The following GALNTL6 variants were observed in gnomAD, a reference collection of about 807,000 sequenced individuals.
The protein encoded by GALNTL6 is polypeptide N-acetylgalactosaminyltransferase-like 6.
GALNTL6 carries 46 observed loss-of-function variants against 73.7 expected under a neutral mutation model. The observed-to-expected ratio is 0.62, with a 90% confidence interval of 0.49 to 0.80. The LOEUF (loss-of-function observed/expected upper bound fraction) is 0.80. GALNTL6 is among the 30% of genes least tolerant of loss of function. GALNTL6 has a pLI of 0.00. For synonymous variants in GALNTL6, 259 were observed against 263.7 expected (o/e 0.98, Z 0.17); for missense variants, 604 against 755.0 (o/e 0.80, Z 2.34).
intron 4 of GALNTL6, among the ~76,000 whole-genome samples, chr4:172,341,164 T>C (rs1230822188): frequency 6.6e-6 from 1 of 152,142 alleles, no homozygotes; most frequent in Admixed American, 6.5e-5. Context: ...TTGAAAATAA[T>C]TGTTTCATAT....
intron 5 of GALNTL6, among the ~76,000 whole-genome samples, chr4:172,522,632 C>T (rs1400077350): frequency 1.3e-5 from 2 of 148,156 alleles, no homozygotes; most frequent in Non-Finnish European, 3.0e-5. Context: ...ATTGCACCAT[C>T]GGACTCCAGC....
At chr4:172,819,458 AT>A (rs896652761) in intron 7 of GALNTL6, among the ~76,000 whole-genome samples, 2 of 152,198 alleles carry the variant, frequency 1.3e-5, no homozygotes, top group Non-Finnish European at 2.9e-5. Context: ...AATTCAACTT[AT>A]TTTTACAAAA....
chr4:171,865,910 C>T (rs1056649865), intron 2 of GALNTL6, among the ~76,000 whole-genome samples: 2 of 152,166 alleles, frequency 1.3e-5, no homozygotes, highest in South Asian at 2.1e-4. Flanking sequence ...CAAACTTTTA[C>T]GTAACAAATA....
intron 5 of GALNTL6, among the ~76,000 whole-genome samples, chr4:172,516,871 C>T (rs564426356): frequency 2.0e-5 from 3 of 152,200 alleles, no homozygotes; most frequent in African/African-American, 7.2e-5. Flanking sequence ...GAAATTCTGT[C>T]GTCTACTACA....
chr4:172,500,582 A>T (rs1314378255), intron 5 of GALNTL6, among the ~76,000 whole-genome samples: 2 of 152,208 alleles, frequency 1.3e-5, no homozygotes, highest in South Asian at 2.1e-4. Flanking sequence ...TAATTTTTTT[A>T]AAATCTACCA....
intron 8 of GALNTL6, among the ~76,000 whole-genome samples, chr4:172,918,259 G>A (rs1486811818): frequency 6.6e-6 from 1 of 151,978 alleles, no homozygotes; most frequent in Non-Finnish European, 1.5e-5. Flanking sequence ...GGAGGCAAGG[G>A]ATAGCATTAG....
chr4:172,191,521 T>G (rs889118409), intron 2 of GALNTL6, among the ~76,000 whole-genome samples: 1 of 152,148 alleles, frequency 6.6e-6, no homozygotes, highest in African/African-American at 2.4e-5. Context: ...AGGATCCTCA[T>G]GACCTCTTCT....
At chr4:172,421,553 T>G (rs1731053492) in intron 5 of GALNTL6, among the ~76,000 whole-genome samples, 1 of 151,842 alleles carries the variant, frequency 6.6e-6, no homozygotes, top group African/African-American at 2.4e-5. Flanking sequence ...TTTATAGATA[T>G]AAATATATAG....
At chr4:172,687,448 T>C (rs1732986409) in intron 5 of GALNTL6, among the ~76,000 whole-genome samples, 1 of 151,682 alleles carries the variant, frequency 6.6e-6, no homozygotes, top group Non-Finnish European at 1.5e-5. Flanking sequence ...ACCAACACAG[T>C]GAAACCCCGT....
intron 5 of GALNTL6, chr4:172,545,834 G>T (rs1304190236): frequency 6.6e-6 from 1 of 152,146 alleles, no homozygotes; most frequent in Non-Finnish European, 1.5e-5. Context: ...GGAGATGCCT[G>T]TGGCCTATAT....
At chr4:172,700,191 A>T (rs1733946086) in intron 5 of GALNTL6, among the ~76,000 whole-genome samples, 2 of 152,174 alleles carry the variant, frequency 1.3e-5, no homozygotes, top group South Asian at 4.1e-4. Context: ...AAAAGGGGTA[A>T]CCAAACAGAG....
chr4:172,570,199 C>A (rs184071790), intron 5 of GALNTL6, among the ~76,000 whole-genome samples: 135 of 152,208 alleles, frequency 8.9e-4, no homozygotes, highest in Middle Eastern at 6.8e-3. Context: ...AAGACATCAT[C>A]CAGACGAGCC....
At chr4:172,149,272 T>A (rs1308210031) in intron 2 of GALNTL6, among the ~76,000 whole-genome samples, 1 of 152,210 alleles carries the variant, frequency 6.6e-6, no homozygotes, top group Non-Finnish European at 1.5e-5. Context: ...CTAATTCATG[T>A]TCATGTAATA....
intron 2 of GALNTL6, among the ~76,000 whole-genome samples, chr4:172,193,905 A>G (rs1239431335): frequency 1.3e-5 from 2 of 152,090 alleles, no homozygotes; most frequent in Non-Finnish European, 2.9e-5. Context: ...AAAATGCCAA[A>G]AACTCAAAAA....
At chr4:172,983,617 C>T (rs1454207273) in intron 10 of GALNTL6, among the ~76,000 whole-genome samples, 1 of 152,070 alleles carries the variant, frequency 6.6e-6, no homozygotes, top group Non-Finnish European at 1.5e-5. Flanking sequence ...GTCACTTGAA[C>T]CTAGGAGGCA....
intron 5 of GALNTL6, among the ~76,000 whole-genome samples, chr4:172,759,998 G>A (rs1009791807): frequency 2.0e-5 from 3 of 150,618 alleles, no homozygotes; most frequent in Non-Finnish European, 3.0e-5. Flanking sequence ...CACCGCGCCC[G>A]GCTAATTTTT....
intron 2 of GALNTL6, among the ~76,000 whole-genome samples, chr4:172,057,727 AATAT>A (rs147660032): frequency 0.013 from 589 of 46,060 alleles, 10 homozygotes; most frequent in East Asian, 0.031. Flanking sequence ...AAAAAAAAAA[AATAT>A]ATATATATAT....
rs397933315 is a variant in GALNTL6 at position 172,552,837 on chromosome 4, T to TAAAAAAAAAAA, written c.553+204158_553+204168dup. 2.1e-3 allele frequency among the ~76,000 whole-genome samples: 169 copies of TAAAAAAAAAAA among 80,344 alleles called. 3 individuals are homozygous for TAAAAAAAAAAA. The highest frequency in any genetic ancestry group is 6.7e-3 in the South Asian group (11 of 1,644). The allele number at this position is 80,344 out of a possible 152,430, so 52.7% of individuals were successfully genotyped here. A position where few individuals can be genotyped will look rare whatever the true frequency, so the allele number is the denominator to read the frequency against. ...TAGGCTGGTGCAAAAGTAATTGCAG[T>TAAAAAAAAAAA]AAAAAAAAAAAAAAAAAAAAGGTAA... On this transcript the variant is annotated intron_variant, in intron 5 of 12. Coordinates refer to ENST00000506823, the MANE Select transcript of GALNTL6 (RefSeq NM_001034845.3).
chr4:172,979,070 G>A (rs1750963006), intron 10 of GALNTL6, among the ~76,000 whole-genome samples: 1 of 152,222 alleles, frequency 6.6e-6, no homozygotes, highest in African/African-American at 2.4e-5. Context: ...TAAGTCACCT[G>A]TTAGTTTTGG....
Sources: allele counts gnomAD v4.1 joint callset (sites outside exome capture counted in the v4.1 genomes callset), GRCh38; gene constraint gnomAD v4.1.1; transcripts MANE v1.5; gene names NCBI Gene and HGNC (gene_info 2026-07-23, HGNC 2026-07-21).